COQ8A: variants seen among roughly 807,000 people sequenced by gnomAD.
The protein encoded by COQ8A is coenzyme Q8A.
In COQ8A, 51 loss-of-function variants were observed where a neutral mutation model predicts 65.0. The ratio of observed to expected loss-of-function variants is 0.78; its 90% CI spans 0.63 to 0.99. COQ8A has a LOEUF of 0.99. Among genes scored for constraint, COQ8A ranks in the 50% least tolerant of loss-of-function variants. COQ8A has a pLI of 0.00. For missense variants in COQ8A, 940 were observed against 875.0 expected (o/e 1.07, Z -0.94); for synonymous variants, 371 against 353.2 (o/e 1.05, Z -0.57).
intron 2 of COQ8A, among the ~76,000 whole-genome samples, chr1:226,962,155 G>A (rs886161452): frequency 6.6e-5 from 10 of 152,292 alleles, no homozygotes; most frequent in East Asian, 1.9e-4. Flanking sequence ...CTGAGCCTCC[G>A]CCAAGGCCTG....
chr1:226,967,535 C>T (rs914281618), intron 4 of COQ8A, among the ~76,000 whole-genome samples: 1 of 152,160 alleles, frequency 6.6e-6, no homozygotes, highest in African/African-American at 2.4e-5. Flanking sequence ...TGGTGGAGCA[C>T]CACGAAGTCC....
chr1:226,985,071 G>C (rs992643761), intron 13 of COQ8A, 130 bp downstream of exon 13: 1 of 1,349,430 alleles, frequency 7.4e-7, no homozygotes, highest in African/African-American at 1.4e-5. Flanking sequence ...CTGCCCCTCA[G>C]GTCTGGTGAC....
chr1:226,970,108 A>G (rs937778807), intron 4 of COQ8A, among the ~76,000 whole-genome samples: 1 of 152,302 alleles, frequency 6.6e-6, no homozygotes, highest in African/African-American at 2.4e-5. Context: ...GTGTGCTGCC[A>G]TGCCCGGCTA....
chr1:226,965,312 C>CA lies in COQ8A; in HGVS notation c.491dup (p.His164GlnfsTer16), dbSNP rs778247643. On this transcript the variant is annotated frameshift_variant, in exon 3 of 15. Transcript: ENST00000366777. LOFTEE classifies it high-confidence loss of function. ...CATGGGCTTTCAGCGAAGGTTCTTC[C>CA]ACCAGGACCAATCCCCTGTTGGGGG... 1.2e-6 allele frequency: 2 copies of CA among 1,613,712 alleles called. No individual in the cohort carries two copies. The highest frequency in any genetic ancestry group is 1.7e-6 in the Non-Finnish European group (2 of 1,180,000).
rs1387988741 is a variant in COQ8A at position 226,985,428 on chromosome 1, T to A, written c.1659+88T>A. On this transcript the variant is annotated intron_variant, in intron 14 of 14. Coordinates refer to ENST00000366777, the MANE Select transcript of COQ8A (RefSeq NM_020247.5). Reference sequence around the variant, plus strand: ...AATGGATGAAAGCACAGGGGGCAGCTGCCCTCAAGGGGCCCCCAGAGCCCG... The same window carrying A: ...AATGGATGAAAGCACAGGGGGCAGCAGCCCTCAAGGGGCCCCCAGAGCCCG... 8.6e-6 allele frequency: 13 copies of A among 1,514,404 alleles called. No individual in the cohort carries two copies. In the African/African-American group the frequency reaches 1.6e-4, roughly 19 times the overall value. The allele number at this position is 1,514,404 out of a possible 1,614,324, so 93.8% of individuals were successfully genotyped here. A position where few individuals can be genotyped will look rare whatever the true frequency, so the allele number is the denominator to read the frequency against.
At chr1:226,977,649 T>A in intron 5 of COQ8A, 126 bp downstream of exon 5, 1 of 1,052,398 alleles carries the variant, frequency 9.5e-7, no homozygotes, top group Non-Finnish European at 1.4e-6. Flanking sequence ...GGGTTCCACG[T>A]AAGTGGCGTC....
At chr1:226,975,013 T>C (rs1387238955) in intron 4 of COQ8A, 1 of 152,226 alleles carries the variant, frequency 6.6e-6, no homozygotes, top group African/African-American at 2.4e-5. Context: ...CCTGCCCCTC[T>C]CGTGGGCTTG....
chr1:226,975,017 G>T (rs1659109791), intron 4 of COQ8A: 1 of 152,266 alleles, frequency 6.6e-6, no homozygotes, highest in African/African-American at 2.4e-5. Context: ...CCCCTCTCGT[G>T]GGCTTGTCTC....
At chr1:226,978,535 C>T (rs1375035669) in intron 5 of COQ8A, among the ~76,000 whole-genome samples, 1 of 123,160 alleles carries the variant, frequency 8.1e-6, no homozygotes, top group African/African-American at 2.6e-5. Flanking sequence ...GAACACTGCA[C>T]CTCCTTACCC....
chr1:226,985,252 A>G lies in COQ8A; in HGVS notation c.1573-2A>G, dbSNP rs1660019167. On this transcript the variant is annotated splice_acceptor_variant, in intron 13 of 14. Coordinates refer to ENST00000366777, the MANE Select transcript of COQ8A (RefSeq NM_020247.5). LOFTEE classifies it high-confidence loss of function. ...ACGGTCCCCTCCTGTGCCTCTCCCC[A>G]GATCATCAGGGCTGCTGCCGACAGG... 6.2e-7 allele frequency: 1 copy of G among 1,613,306 alleles called. No homozygotes were observed. The highest frequency in any genetic ancestry group is 1.3e-5 in the African/African-American group (1 of 74,902).
intron 4 of COQ8A, among the ~76,000 whole-genome samples, chr1:226,974,690 G>A (rs1483350197): frequency 1.3e-5 from 2 of 152,226 alleles, no homozygotes; most frequent in Non-Finnish European, 2.9e-5. Context: ...AGGGTTGCTG[G>A]CCAGCTGGGC....
Position 226,965,751 on chromosome 1 carries a change from G to A in COQ8A, c.655+14G>A. ...CCAACTTCGGAGGTAAGGTGGCTGT[G>A]TGCCCCTGGACTGCCTCACCTGCCC... On this transcript the variant is annotated intron_variant, in intron 4 of 14. Transcript: ENST00000366777. 2 of 1,613,074 alleles carry A rather than the reference G, an allele frequency of 1.2e-6. No individual in the cohort carries two copies. The highest frequency in any genetic ancestry group is 1.7e-6 in the Non-Finnish European group (2 of 1,179,858).
chr1:226,958,523 A>C (rs952544324), intron 1 of COQ8A, among the ~76,000 whole-genome samples: 1 of 152,218 alleles, frequency 6.6e-6, no homozygotes, highest in African/African-American at 2.4e-5. Flanking sequence ...AGGTACGGGC[A>C]TGCCACGCTG....
At position 226,986,799 on chromosome 1, in the gene COQ8A, C is replaced by G; in HGVS notation, c.*62C>G. On this transcript the variant is annotated 3_prime_UTR_variant, in exon 15 of 15. Coordinates refer to ENST00000366777, the MANE Select transcript of COQ8A (RefSeq NM_020247.5). ...TCTCTCCCTCAGACAGGCCAAAAAC[C>G]AGTAGCGAGGTCGTGGTGATGCTCT... is the stretch of plus-strand genomic sequence containing the variant. 3.8e-6 allele frequency: 6 copies of G among 1,573,756 alleles called. No individual in the cohort carries two copies. The highest frequency in any genetic ancestry group is 4.3e-6 in the Non-Finnish European group (5 of 1,163,532).
chr1:226,968,514 G>A (rs1658692141), intron 4 of COQ8A, among the ~76,000 whole-genome samples: 1 of 152,178 alleles, frequency 6.6e-6, no homozygotes, highest in Non-Finnish European at 1.5e-5. Flanking sequence ...CATCCAAACA[G>A]TTTGTAGTTG....
At position 226,946,808 on chromosome 1, in the gene COQ8A, T is replaced by C. The variant is rs1217081713; in HGVS notation, c.-10+6409T>C. Reference sequence around the variant, plus strand: ...TGTGTGTGGCATTTGGAGGTGATGCTAATAAAGGTTGGTGCTGGTGTTGAG... The same window carrying C: ...TGTGTGTGGCATTTGGAGGTGATGCCAATAAAGGTTGGTGCTGGTGTTGAG... On this transcript the variant is annotated intron_variant, in intron 1 of 14. Coordinates refer to ENST00000366777, the MANE Select transcript of COQ8A (RefSeq NM_020247.5). This position sits in a 1 kb window ranked among gnomAD's most constrained non-coding sequence, Gnocchi z 5.3. 2.0e-5 allele frequency among the ~76,000 whole-genome samples: 3 copies of C among 152,216 alleles called. No individual in the cohort carries two copies. In the East Asian group the frequency reaches 5.8e-4, roughly 29 times the overall value.
chr1:226,974,593 G>A (rs1004618430), intron 4 of COQ8A, among the ~76,000 whole-genome samples: 1 of 152,196 alleles, frequency 6.6e-6, no homozygotes, highest in Non-Finnish European at 1.5e-5. Context: ...GGCTGGCCTG[G>A]GTTCCTGAGC....
rs536941462 is a variant in COQ8A, at chr1:226,953,175, G to A, written c.-9-8202G>A. Among the ~76,000 whole-genome samples the A allele has an allele frequency of 2.4e-4, 37 of 152,168 alleles. No homozygotes were observed. The South Asian group carries it at 2.5e-3, about 10-fold the overall frequency. On this transcript the variant is annotated intron_variant, in intron 1 of 14. Coordinates refer to ENST00000366777, the MANE Select transcript of COQ8A (RefSeq NM_020247.5). ...CTCCCGAGTAGCTGGGATTACAGGC[G>A]CATGCCACCACGCTTGGATAACTTT...
chr1:226,944,727 G>C (rs1656905450), intron 1 of COQ8A, among the ~76,000 whole-genome samples: 1 of 32,230 alleles, frequency 3.1e-5, no homozygotes, highest in Non-Finnish European at 5.5e-5. Context: ...GAGAGAGAGA[G>C]AGAGAGAGAG....
Sources: gnomAD v4.1 joint callset for allele counts (sites outside exome capture counted in the v4.1 genomes callset) on GRCh38, gnomAD v4.1.1 for gene constraint, Gnocchi (gnomAD v3.1) non-coding constraint, MANE v1.5 for transcripts, NCBI Gene and HGNC (gene_info 2026-07-23, HGNC 2026-07-21) for gene names.